The following NPAS4 variants were observed in gnomAD, a reference collection of about 807,000 sequenced individuals.
NPAS4 encodes neuronal PAS domain protein 4, also known as neuronal PAS domain-containing protein 4.
In NPAS4, 10 loss-of-function variants were observed where a neutral mutation model predicts 64.0. That is an observed-to-expected ratio of 0.16 (90% confidence interval 0.10 to 0.26). The LOEUF is 0.26. Ranked by LOEUF, NPAS4 falls within the 10% of genes least tolerant of loss-of-function variation. The pLI is 1.00. For synonymous variants in NPAS4, 441 were observed against 411.7 expected (o/e 1.07, Z -0.86); for missense variants, 886 against 992.6 (o/e 0.89, Z 1.44).
chr11:66,424,177 T>C lies in NPAS4; in HGVS notation c.1287T>C (p.His429=). The change falls in exon 7 of 8, where the codon CAT becomes CAC. Residue 429 remains histidine (H), a synonymous_variant. Coordinates refer to ENST00000311034, the MANE Select transcript of NPAS4 (RefSeq NM_178864.4). ...DLVCTPPYTP[H]QPGGCAFLFS... is the part of the protein sequence containing the mutation. ...TGTGCACTCCACCTTACACGCCCCA[T>C]CAGCCAGGAGGCTGTGCCTTCCTCT... 1 of 1,613,998 alleles carries C rather than the reference T, an allele frequency of 6.2e-7. No individual in the cohort carries two copies. The highest frequency in any genetic ancestry group is 8.5e-7 in the Non-Finnish European group (1 of 1,179,968).
upstream of NPAS4, among the ~76,000 whole-genome samples, chr11:66,418,894 C>A (rs1856698144): frequency 6.6e-6 from 1 of 152,172 alleles, no homozygotes; most frequent in South Asian, 2.1e-4. Flanking sequence ...GCGGTCGGCG[C>A]AGTATTCCTT....
chr11:66,411,158 G>A, the NPAS4 span, among the ~76,000 whole-genome samples: 4 of 152,158 alleles, frequency 2.6e-5, no homozygotes, highest in Admixed American at 6.5e-5. Flanking sequence ...AGGCCCACTC[G>A]GACCCCAGCA....
Position 66,423,932 on chromosome 11 carries a change from G to A in NPAS4, c.1042G>A (p.Glu348Lys). 6.2e-7 allele frequency: 1 copy of A among 1,614,088 alleles called. No individual in the cohort carries two copies. The change falls in exon 7 of 8, where the codon GAA (glutamate) becomes AAA (lysine). Residue 348 changes from glutamate (E) to lysine (K), a missense_variant. By Grantham distance (56) the Glu-to-Lys change is moderately conservative. This residue lies in a region of NPAS4 where 820 missense variants were observed against 855.5 expected (regional missense o/e 0.96). Transcript: ENST00000311034. ...TCCGACCATGCTGCCCTCATTCCCTGAAAACATTCTTTCCCAGGAAGAGTG... is the reference window on the plus strand; with the variant it reads ...TCCGACCATGCTGCCCTCATTCCCTAAAAACATTCTTTCCCAGGAAGAGTG... ...GTPTMLPSFP[E>K]NILSQEECSS...
chr11:66,425,321 A>G, intron 7 of NPAS4, 51 bp downstream of exon 7: 4 of 1,117,588 alleles, frequency 3.6e-6, no homozygotes, highest in Non-Finnish European at 5.0e-6. Context: ...TGCCAATGAA[A>G]TGCTGGGTAG....
At chr11:66,409,268 C>G in the NPAS4 span, 1 of 146,642 alleles carries the variant, frequency 6.8e-6, no homozygotes. Context: ...GCCCCCACCA[C>G]CCCCATCTTA....
At position 66,421,322 on chromosome 11, in the gene NPAS4, T is replaced by C. The variant is rs2134640724; in HGVS notation, c.143T>C (p.Ile48Thr). 6.2e-7 allele frequency: 1 copy of C among 1,614,158 alleles called. No individual in the cohort carries two copies. The highest frequency in any genetic ancestry group is 2.2e-5 in the East Asian group (1 of 44,872). ...SYLHIMSLACIYTRKGVFFAG... is the reference protein window; with the variant it reads ...SYLHIMSLACTYTRKGVFFAG... ...CTGCACATCATGAGCCTCGCCTGCA[T>C]CTACACTCGCAAGGGCGTCTTCTTC... Residue 48 changes from isoleucine to threonine, a missense_variant, in exon 1 of 8, where the codon ATC becomes ACC. Physicochemically the swap from Ile to Thr is moderately conservative, Grantham distance 89. Around this residue, in one of 3 missense-constraint regions of NPAS4, gnomAD observed 38 missense variants for 80.1 expected, o/e 0.47. Transcript: ENST00000311034.
In NPAS4 at chr11:66,425,937, TTCTC is replaced by T. The variant is rs1295162095; in HGVS notation, c.2381-20_2381-17del. On this transcript the variant is annotated intron_variant, in intron 7 of 7. Coordinates refer to ENST00000311034, the MANE Select transcript of NPAS4 (RefSeq NM_178864.4). ...GTGCTAATTGGTCTAACTGATTGTG[TTCTC>T]TCTATCTATCTCTCTGCAGATGGAA... 1.0e-5 allele frequency: 16 copies of T among 1,593,824 alleles called. No individual in the cohort carries two copies. The highest frequency in any genetic ancestry group is 2.7e-5 in the African/African-American group (2 of 74,546).
Position 66,422,813 on chromosome 11 carries a change from T to A in NPAS4, c.570T>A (p.Ala190=), listed in dbSNP as rs1856767889. The change falls in exon 4 of 8, where the codon GCT becomes GCA. Residue 190 remains alanine, a synonymous_variant. Coordinates refer to ENST00000311034, the MANE Select transcript of NPAS4 (RefSeq NM_178864.4). Reference sequence around the variant, plus strand: ...GGGCAGGAAATCCCGTGTTCACAGCTTTCTGTGCCCCTCTGGAGCCGAGAC... The same window carrying A: ...GGGCAGGAAATCCCGTGTTCACAGCATTCTGTGCCCCTCTGGAGCCGAGAC... ...AYWAGNPVFT[A]FCAPLEPRPR... 6.2e-7 allele frequency: 1 copy of A among 1,614,056 alleles called. No individual in the cohort carries two copies. The highest frequency in any genetic ancestry group is 1.1e-5 in the South Asian group (1 of 91,090).
At chr11:66,419,054 G>A (rs895008069), upstream of NPAS4, among the ~76,000 whole-genome samples, 5 of 152,170 alleles carry the variant, frequency 3.3e-5, no homozygotes, top group Non-Finnish European at 5.9e-5. Flanking sequence ...ATTTCATACG[G>A]AAGGGGATCC....
At chr11:66,417,653 C>T (rs1054498176), upstream of NPAS4, among the ~76,000 whole-genome samples, 8 of 152,066 alleles carry the variant, frequency 5.3e-5, no homozygotes, top group East Asian at 5.8e-4. Context: ...AGTCTGGGGA[C>T]GCATGTACAT....
At position 66,424,329 on chromosome 11, in the gene NPAS4, C is replaced by A; in HGVS notation, c.1439C>A (p.Pro480Gln). ...CCCAGCAGTGCAACCTTCCCAGATC[C>A]ACTAACTAGCCCACTGCAAGGCCAG... The part of the protein sequence containing the change: ...LTPSSATFPD[P>Q]LTSPLQGQLT... Residue 480 changes from proline (P) to glutamine (Q), a missense_variant, in exon 7 of 8, where the codon CCA (proline) becomes CAA (glutamine). Transcript: ENST00000311034. 6.2e-7 allele frequency: 1 copy of A among 1,614,150 alleles called. No individual in the cohort carries two copies. The highest frequency in any genetic ancestry group is 8.5e-7 in the Non-Finnish European group (1 of 1,180,034).
At chr11:66,416,358 A>G (rs1181947531), upstream of NPAS4, among the ~76,000 whole-genome samples, 1 of 152,176 alleles carries the variant, frequency 6.6e-6, no homozygotes, top group African/African-American at 2.4e-5. Flanking sequence ...TTTCTGTAGC[A>G]AGCCAAGCAC....
At position 66,426,143 on chromosome 11, in the gene NPAS4, TGGGA is replaced by T; in HGVS notation, c.*158_*161del. 4 of 336,760 alleles carry T rather than the reference TGGGA, an allele frequency of 1.2e-5. No individual in the cohort carries two copies. Among genetic ancestry groups the T allele is most frequent in the African/African-American group, 2.4e-5 (1 of 41,696 alleles). 20.9% of individuals were successfully genotyped at this position (336,760 alleles called of 1,614,324 possible). A position where few individuals can be genotyped will look rare whatever the true frequency, so the allele number is the denominator to read the frequency against. ...CTGCAGGATTTTGGGGGGGGGGAGG[TGGGA>T]GGGCAAGGGAGGGGAGCTTCTTTTT... On this transcript the variant is annotated 3_prime_UTR_variant, in exon 8 of 8. Coordinates refer to ENST00000311034, the MANE Select transcript of NPAS4 (RefSeq NM_178864.4).
rs1387372421 is a variant in NPAS4 at position 66,422,920 on chromosome 11, C to G, written c.677C>G (p.Ala226Gly). 1 of 1,606,288 alleles carries G rather than the reference C, an allele frequency of 6.2e-7. No homozygotes were observed. The highest frequency in any genetic ancestry group is 1.7e-5 in the Admixed American group (1 of 60,028). The change falls in exon 4 of 8, where the codon GCT becomes GGT. Residue 226 changes from alanine to glycine, a missense_variant. Coordinates refer to ENST00000311034, the MANE Select transcript of NPAS4 (RefSeq NM_178864.4). ...MFQSRHAKDL[A>G]LLDISESVLI... ...CAGAGCCGCCATGCTAAAGACCTGG[C>G]TCTACTGGACATCTCCGAGAGGTAA...
At chr11:66,421,541 G>A (rs1160311988) in intron 1 of NPAS4, among the ~76,000 whole-genome samples, 187 bp downstream of exon 1, 1 of 152,232 alleles carries the variant, frequency 6.6e-6, no homozygotes, top group East Asian at 1.9e-4. Flanking sequence ...CCTTAGTTCT[G>A]AATGAGAGTT....
upstream of NPAS4, among the ~76,000 whole-genome samples, chr11:66,418,327 C>T (rs754110483): frequency 6.6e-6 from 1 of 152,176 alleles, no homozygotes; most frequent in Admixed American, 6.5e-5. Flanking sequence ...TTTTTAGCAG[C>T]GGCCAGGAGC....
At chr11:66,422,621 G>GTC (rs1856762922) in intron 3 of NPAS4, 53 bp from the exon 4 acceptor site, 9 of 1,605,228 alleles carry the variant, frequency 5.6e-6, no homozygotes, top group South Asian at 1.1e-5. Flanking sequence ...ACCATCCACT[G>GTC]TCTCTCTCTC....
upstream of NPAS4, among the ~76,000 whole-genome samples, chr11:66,420,637 T>C (rs1429292006): frequency 6.6e-6 from 1 of 152,338 alleles, no homozygotes; most frequent in South Asian, 2.1e-4. Context: ...TTAGTGTCAG[T>C]GCCGGCCCCT....
rs1565242881 is a variant in NPAS4, at chr11:66,426,322, T to C, written c.*333T>C. ...TTGGCCTGGGCCAGTTCTCCACTCC[T>C]AGGGGCCAAGCCACCCCTAGCCTTG... On this transcript the variant is annotated 3_prime_UTR_variant, in exon 8 of 8. Transcript: ENST00000311034. 1 of 262,302 alleles carries C rather than the reference T, an allele frequency of 3.8e-6. No individual in the cohort carries two copies. Among genetic ancestry groups the C allele is most frequent in the Non-Finnish European group, 7.5e-6 (1 of 134,022 alleles). The allele number at this position is 262,302 out of a possible 1,614,324, so 16.2% of individuals were successfully genotyped here.
Sources: gnomAD v4.1 joint callset for allele counts (sites outside exome capture counted in the v4.1 genomes callset) on GRCh38, gnomAD v4.1.1 for gene constraint, gnomAD v4.1.1 regional missense constraint, MANE v1.5 for transcripts, NCBI Gene and HGNC (gene_info 2026-07-23, HGNC 2026-07-21) for gene names.